The following SLC7A5 variants were observed in gnomAD, a reference collection of about 807,000 sequenced individuals.
SLC7A5 encodes the protein solute carrier family 7 member 5.
In SLC7A5, 23 loss-of-function variants were observed where a neutral mutation model predicts 50.2. The observed-to-expected ratio is 0.46, with a 90% CI of 0.33 to 0.65. SLC7A5 has a LOEUF of 0.65. Ranked by LOEUF, SLC7A5 falls within the 30% of genes least tolerant of loss-of-function variation. SLC7A5 has a pLI of 0.02. For missense variants in SLC7A5, 578 were observed against 684.4 expected (o/e 0.84, Z 1.73); for synonymous variants, 393 against 330.6 (o/e 1.19, Z -2.05).
Position 87,856,512 on chromosome 16 carries a change from C to A in SLC7A5, c.539-4663G>T, listed in dbSNP as rs138361297. ...GCTGGCCCGACACCGGGCACAGGTA[C>A]CAGCCCAGCCCAGTCCCGCCCAGTG... On this transcript the variant is annotated intron_variant, in intron 1 of 9. Transcript: ENST00000261622. 7.7e-3 allele frequency among the ~76,000 whole-genome samples: 1,172 copies of A among 152,326 alleles called. 28 individuals are homozygous for A. The highest frequency in any genetic ancestry group is 0.063 in the South Asian group (306 of 4,830).
In SLC7A5 at chr16:87,860,384, AC is replaced by A. The variant is rs2143821528; in HGVS notation, c.538+8500del. ...CACACACACACACACACACACACAC[AC>A]ACACACACACACACATATATATATA... On this transcript the variant is annotated intron_variant, in intron 1 of 9. Coordinates refer to ENST00000261622, the MANE Select transcript of SLC7A5 (RefSeq NM_003486.7). This position sits in a 1 kb window ranked among gnomAD's most constrained non-coding sequence, Gnocchi z 4.8. 2.0e-5 allele frequency among the ~76,000 whole-genome samples: 3 copies of A among 147,622 alleles called. No individual in the cohort carries two copies. Among genetic ancestry groups the A allele is most frequent in the Non-Finnish European group, 4.5e-5 (3 of 67,346 alleles).
At chr16:87,834,898 G>A in intron 8 of SLC7A5, among the ~76,000 whole-genome samples, 1 of 152,222 alleles carries the variant, frequency 6.6e-6, no homozygotes. Context: ...TCACAGGCCT[G>A]GAAACCCTGA....
chr16:87,839,723 C>T lies in SLC7A5; in HGVS notation c.918G>A (p.Leu306=). The change falls in exon 5 of 10, where the codon CTG becomes CTA. Residue 306 remains leucine, a synonymous_variant. Transcript: ENST00000261622. ...YFTTLSTEQM[L]SSEAVAVDFG... is the part of the protein sequence containing the mutation. ...TCACCACGGCCACGGCCTCGGACGA[C>T]AGCATCTGCTCGGTGGACAGGGTGG... 5.0e-6 allele frequency: 8 copies of T among 1,613,712 alleles called. No homozygotes were observed. The highest frequency in any genetic ancestry group is 1.3e-5 in the African/African-American group (1 of 75,060).
At chr16:87,835,672 C>T (rs1208722402) in intron 8 of SLC7A5, among the ~76,000 whole-genome samples, 1 of 152,168 alleles carries the variant, frequency 6.6e-6, no homozygotes, top group Non-Finnish European at 1.5e-5. Flanking sequence ...GACGGGGTTT[C>T]ACCGTGTTAG....
chr16:87,840,402 G>T (rs747372424), intron 4 of SLC7A5, 27 bp downstream of exon 4: 2 of 1,592,840 alleles, frequency 1.3e-6, no homozygotes, highest in Non-Finnish European at 1.7e-6. Flanking sequence ...AATGAAAAAA[G>T]ACGGCTCCAT....
At chr16:87,867,890 C>T (rs1008954807) in intron 1 of SLC7A5, among the ~76,000 whole-genome samples, 211 of 152,084 alleles carry the variant, frequency 1.4e-3, no homozygotes, top group Admixed American at 4.8e-3. Flanking sequence ...CCGAGGCGGG[C>T]GGATCACAAG....
intron 2 of SLC7A5, among the ~76,000 whole-genome samples, chr16:87,842,338 C>T (rs1044543403): frequency 6.6e-6 from 1 of 152,218 alleles, no homozygotes; most frequent in Non-Finnish European, 1.5e-5. Flanking sequence ...CCTTGGACCA[C>T]AGGTCACCAT....
intron 2 of SLC7A5, among the ~76,000 whole-genome samples, chr16:87,851,468 T>G (rs1273736224): frequency 1.3e-5 from 2 of 152,118 alleles, no homozygotes; most frequent in Non-Finnish European, 2.9e-5. Flanking sequence ...TTCACAGACA[T>G]CGCAGCGTAA....
intron 1 of SLC7A5, among the ~76,000 whole-genome samples, chr16:87,867,932 G>A (rs1417125249): frequency 2.0e-5 from 3 of 151,930 alleles, no homozygotes; most frequent in Non-Finnish European, 4.4e-5. Context: ...TGGCTAACAC[G>A]GTGAAACGCC....
chr16:87,837,800 A>G, intron 7 of SLC7A5, 45 bp downstream of exon 7: 1 of 1,507,646 alleles, frequency 6.6e-7, no homozygotes. Context: ...GAGCCCCCGG[A>G]CAACCCCCAG....
chr16:87,833,016 G>T lies in SLC7A5; in HGVS notation c.1478C>A (p.Thr493Asn). ...KWLLQGIFST[T>N]VLCQKLMQVV... ...CTGCATGAGCTTCTGACACAGGACG[G>T]TCGTGGAGACTGTCAGGAGAGAAGA... The change falls in exon 10 of 10, where the codon ACC becomes AAC. Residue 493 changes from threonine to asparagine, a missense_variant. By Grantham distance (65) the Thr-to-Asn change is moderately conservative. Coordinates refer to ENST00000261622, the MANE Select transcript of SLC7A5 (RefSeq NM_003486.7). The surrounding 1 kb of genome is among the most constrained non-coding windows in gnomAD (Gnocchi z 6.0). 1 of 1,613,836 alleles carries T rather than the reference G, an allele frequency of 6.2e-7. No homozygotes were observed. Among genetic ancestry groups the T allele is most frequent in the South Asian group, 1.1e-5 (1 of 91,084 alleles).
At chr16:87,859,568 T>G (rs1440965223) in intron 1 of SLC7A5, among the ~76,000 whole-genome samples, 2 of 152,172 alleles carry the variant, frequency 1.3e-5, no homozygotes, top group African/African-American at 4.8e-5. Context: ...CAGGTCACGA[T>G]GGGAAGAGGG....
chr16:87,868,191 A>C (rs959342783), intron 1 of SLC7A5, among the ~76,000 whole-genome samples: 1 of 152,152 alleles, frequency 6.6e-6, no homozygotes, highest in Non-Finnish European at 1.5e-5. Flanking sequence ...CCTGGTGAAG[A>C]ACACACCAGC....
intron 2 of SLC7A5, among the ~76,000 whole-genome samples, chr16:87,847,441 C>T (rs889069401): frequency 1.1e-4 from 16 of 152,170 alleles, no homozygotes; most frequent in African/African-American, 3.6e-4. Flanking sequence ...GGAAGCTCCT[C>T]AGGAGGGACA....
chr16:87,869,076 T>C lies in SLC7A5; in HGVS notation c.347A>G (p.Asp116Gly), dbSNP rs776542767. The C allele has an allele frequency of 1.2e-6, 2 of 1,611,840 alleles. No homozygotes were observed. The highest frequency in any genetic ancestry group is 2.2e-5 in the East Asian group (1 of 44,872). Residue 116 changes from aspartate (D) to glycine (G), a missense_variant, in exon 1 of 10, where the codon GAC becomes GGC. By Grantham distance (94) the Asp-to-Gly change is moderately conservative. Around this residue, in one of 2 missense-constraint regions of SLC7A5, gnomAD observed 465 missense variants for 594.6 expected, o/e 0.78. Transcript: ENST00000261622. Reference sequence around the variant, plus strand: ...GTAGACCTCCAGCATGTAGGCGTAGTCGCCGCCCGATTTGGAGATGGTGGT... The same window carrying C: ...GTAGACCTCCAGCATGTAGGCGTAGCCGCCGCCCGATTTGGAGATGGTGGT... ...LGTTISKSGG[D>G]YAYMLEVYGS...
In SLC7A5 at chr16:87,862,413, A is replaced by T; in HGVS notation, c.538+6472T>A. On this transcript the variant is annotated intron_variant, in intron 1 of 9. Coordinates refer to ENST00000261622, the MANE Select transcript of SLC7A5 (RefSeq NM_003486.7). This position sits in a 1 kb window ranked among gnomAD's most constrained non-coding sequence, Gnocchi z 5.3. ...CCCTTACACCCTTCACCCTTTAGGG[A>T]GGGGCTCAGAGACAGTTGTGGCGAT... Among the ~76,000 whole-genome samples, 1 of 152,140 alleles carries T rather than the reference A, an allele frequency of 6.6e-6. No homozygotes were observed. Among genetic ancestry groups the T allele is most frequent in the Non-Finnish European group, 1.5e-5 (1 of 68,004 alleles).
At chr16:87,843,643 C>T (rs879350486) in intron 2 of SLC7A5, among the ~76,000 whole-genome samples, 31 of 152,208 alleles carry the variant, frequency 2.0e-4, no homozygotes, top group Admixed American at 4.6e-4. Context: ...ACCCCTGTAC[C>T]TCTCAGCATG....
intron 1 of SLC7A5, among the ~76,000 whole-genome samples, chr16:87,868,429 AG>A (rs1722095125): frequency 6.6e-6 from 1 of 152,224 alleles, no homozygotes. Context: ...ATTCCTGACG[AG>A]CTGGTGTGGA....
Position 87,840,473 on chromosome 16 carries a change from C to T in SLC7A5, c.771G>A (p.Trp257Ter), listed in dbSNP as rs960839791. 2.1e-5 allele frequency: 34 copies of T among 1,608,680 alleles called. No homozygotes were observed. Among genetic ancestry groups the T allele is most frequent in the Non-Finnish European group, 2.8e-5 (33 of 1,175,406 alleles). The change falls in exon 4 of 10, where the codon TGG (tryptophan) becomes TGA (stop). Residue 257 changes from tryptophan (W) to a stop codon, truncating the protein, a stop_gained and splice_region_variant. Transcript: ENST00000261622. LOFTEE classifies it high-confidence loss of function. ...LYSGLFAYGG[W>*]NYLNFVTEEM... ...CCTCTGTGACGAAATTCAAGTAATTCCTAAAATTTAGAGAACAGCGTTCAA... is the reference window on the plus strand; with the variant it reads ...CCTCTGTGACGAAATTCAAGTAATTTCTAAAATTTAGAGAACAGCGTTCAA...
Sources: allele counts gnomAD v4.1 joint callset (sites outside exome capture counted in the v4.1 genomes callset), GRCh38; gene constraint gnomAD v4.1.1; regional missense constraint gnomAD v4.1.1; non-coding constraint Gnocchi (gnomAD v3.1); transcripts MANE v1.5; gene names NCBI Gene and HGNC (gene_info 2026-07-23, HGNC 2026-07-21).